Variants in KIF26B observed in about 807,000 individuals in gnomAD.
KIF26B encodes the protein kinesin-like protein KIF26B.
In KIF26B, 63 loss-of-function variants were observed where a neutral mutation model predicts 151.2. The ratio of observed to expected loss-of-function variants is 0.42; its 90% CI spans 0.34 to 0.51. The LOEUF (loss-of-function observed/expected upper bound fraction) is 0.51, where lower values mean the gene tolerates loss of function less well. Ranked by LOEUF, KIF26B falls within the 20% of genes least tolerant of loss-of-function variation. The pLI is 0.07. For synonymous variants in KIF26B, 1,357 were observed against 1,262.1 expected (o/e 1.08, Z -1.59); for missense variants, 2,813 against 2,913.6 (o/e 0.97, Z 0.79).
rs1042425977 is a variant in KIF26B at position 245,421,789 on chromosome 1, G to A, written c.1166+2044G>A. On this transcript the variant is annotated intron_variant, in intron 4 of 14. Coordinates refer to ENST00000407071, the MANE Select transcript of KIF26B (RefSeq NM_018012.4). ...TTCTTGGTGCGAGGAAACCAGCAGC[G>A]TCTTTGGAGCTGGGGAAAGGATGTG... Among the ~76,000 whole-genome samples, 8 of 151,980 alleles carry A rather than the reference G, an allele frequency of 5.3e-5. No homozygotes were observed. The East Asian group carries it at 5.8e-4, about 11-fold the overall frequency.
At chr1:245,412,578 T>G (rs1674313659) in intron 3 of KIF26B, among the ~76,000 whole-genome samples, 1 of 152,178 alleles carries the variant, frequency 6.6e-6, no homozygotes, top group South Asian at 2.1e-4. Flanking sequence ...GCTTACAGAT[T>G]GCAATTTGCA....
At chr1:245,365,482 T>A (rs1402715351) in intron 2 of KIF26B, among the ~76,000 whole-genome samples, 1 of 149,898 alleles carries the variant, frequency 6.7e-6, no homozygotes, top group Non-Finnish European at 1.5e-5. Flanking sequence ...CCCCAAATGC[T>A]GATCTTCCTG....
intron 2 of KIF26B, among the ~76,000 whole-genome samples, chr1:245,203,119 C>T (rs1202339642): frequency 1.3e-5 from 2 of 150,482 alleles, no homozygotes; most frequent in Non-Finnish European, 3.0e-5. Context: ...TGGTGGTGTG[C>T]GCCTATAGTC....
In KIF26B at chr1:245,686,056, G is replaced by A. The variant is rs373427955; in HGVS notation, c.3073G>A (p.Val1025Ile). ...HSPSPASPRS[V>I]PGSSSQHSAS... The stretch of plus-strand genomic sequence containing the variant: ...CCCCAGCCCGGCCTCACCCAGGAGC[G>A]TCCCGGGCAGCAGTAGCCAGCACAG... Residue 1025 changes from valine to isoleucine, a missense_variant, in exon 12 of 15, where the codon GTC becomes ATC. Transcript: ENST00000407071. This position sits in a 1 kb window ranked among gnomAD's most constrained non-coding sequence, Gnocchi z 5.6. 1.8e-5 allele frequency: 29 copies of A among 1,595,244 alleles called. No homozygotes were observed. The highest frequency in any genetic ancestry group is 5.3e-5 in the Admixed American group (3 of 56,926).
At chr1:245,683,564 T>C (rs575135567) in intron 10 of KIF26B, among the ~76,000 whole-genome samples, 2 of 152,318 alleles carry the variant, frequency 1.3e-5, no homozygotes, top group South Asian at 4.2e-4. Flanking sequence ...CCTGCACAGT[T>C]GCCAGAGGAG....
intron 2 of KIF26B, among the ~76,000 whole-genome samples, chr1:245,198,108 G>T (rs567109338): frequency 6.6e-6 from 1 of 152,206 alleles, no homozygotes; most frequent in South Asian, 2.1e-4. Context: ...ACTCGTTGAG[G>T]GCTTACTATG....
intron 2 of KIF26B, among the ~76,000 whole-genome samples, chr1:245,287,441 G>T (rs1035513818): frequency 6.1e-5 from 9 of 146,592 alleles, no homozygotes; most frequent in Admixed American, 2.0e-4. Flanking sequence ...TGGTCGGATT[G>T]TGTAATTATT....
chr1:245,464,476 GGT>G (rs1329766629), intron 4 of KIF26B, among the ~76,000 whole-genome samples: 9 of 145,950 alleles, frequency 6.2e-5, no homozygotes, highest in Non-Finnish European at 1.4e-4. Context: ...CGCGTGTGGG[GGT>G]GTGTGCCCGT....
rs370546879 is a variant in KIF26B, at chr1:245,688,227, G to C, written c.5244G>C (p.Pro1748=). ...LLLASPRARG[P]SASTTKTLSF... ...TGGCCAGCCCCAGAGCGCGCGGCCCGTCCGCCTCCACCACCAAAACCCTCA... is the reference window on the plus strand; with the variant it reads ...TGGCCAGCCCCAGAGCGCGCGGCCCCTCCGCCTCCACCACCAAAACCCTCA... Residue 1748 remains proline, a synonymous_variant, in exon 12 of 15, where the codon CCG becomes CCC. Coordinates refer to ENST00000407071, the MANE Select transcript of KIF26B (RefSeq NM_018012.4). 6.9e-6 allele frequency: 11 copies of C among 1,587,720 alleles called. 1 individual carries two copies. The African/African-American group carries it at 1.3e-4, about 19-fold the overall frequency.
chr1:245,652,145 T>TGGGGGA (rs368258830), intron 10 of KIF26B, among the ~76,000 whole-genome samples: 3 of 142,658 alleles, frequency 2.1e-5, no homozygotes, highest in Non-Finnish European at 4.5e-5. Context: ...TGTGTGTGTG[T>TGGGGGA]GAGAGAGACA....
intron 2 of KIF26B, among the ~76,000 whole-genome samples, chr1:245,363,431 G>A (rs1672868144): frequency 6.6e-6 from 1 of 152,108 alleles, no homozygotes; most frequent in Non-Finnish European, 1.5e-5. Flanking sequence ...CCTGACCTCA[G>A]GTAATCCACC....
chr1:245,283,658 G>C (rs969648416), intron 2 of KIF26B, among the ~76,000 whole-genome samples: 1 of 150,348 alleles, frequency 6.7e-6, no homozygotes, highest in African/African-American at 2.4e-5. Flanking sequence ...TGGTGAAAAA[G>C]AACATCCATT....
At chr1:245,593,860 C>T (rs147029480) in intron 5 of KIF26B, among the ~76,000 whole-genome samples, 15,304 of 152,192 alleles carry the variant, frequency 0.1, 819 homozygotes, top group Middle Eastern at 0.13. Flanking sequence ...TAATGATCGC[C>T]ATTCTAACTG....
chr1:245,480,872 G>C (rs753906164), intron 4 of KIF26B, among the ~76,000 whole-genome samples: 3 of 151,530 alleles, frequency 2.0e-5, no homozygotes, highest in Non-Finnish European at 3.0e-5. Flanking sequence ...GGACCACAGA[G>C]GTCATCTGGG....
At chr1:245,465,465 T>G in intron 4 of KIF26B, among the ~76,000 whole-genome samples, 1 of 152,216 alleles carries the variant, frequency 6.6e-6, no homozygotes, top group East Asian at 1.9e-4. Flanking sequence ...GGGGTTCACT[T>G]AAAGGCACGG....
At chr1:245,453,934 A>G (rs532391051) in intron 4 of KIF26B, among the ~76,000 whole-genome samples, 1 of 152,318 alleles carries the variant, frequency 6.6e-6, no homozygotes, top group African/African-American at 2.4e-5. Flanking sequence ...ATTATAGTCA[A>G]TATTCTCATC....
intron 3 of KIF26B, among the ~76,000 whole-genome samples, chr1:245,372,331 G>C (rs977739679): frequency 2.6e-5 from 4 of 152,160 alleles, no homozygotes; most frequent in Admixed American, 1.3e-4. Context: ...TGCCAAAAAG[G>C]TTGGGAATCA....
chr1:245,623,046 TTTTTTTG>T (rs2043682579), intron 9 of KIF26B, among the ~76,000 whole-genome samples: 9 of 149,726 alleles, frequency 6.0e-5, no homozygotes, highest in South Asian at 4.2e-4. Context: ...TTTTTTTTTT[TTTTTTTG>T]TTGTTTTTTA....
intron 2 of KIF26B, among the ~76,000 whole-genome samples, chr1:245,194,766 A>G (rs1158786436): frequency 6.6e-6 from 1 of 152,198 alleles, no homozygotes; most frequent in Non-Finnish European, 1.5e-5. Context: ...TGGCTCCCAT[A>G]TAGCCAGAAG....
Sources: gnomAD v4.1 joint callset for allele counts (sites outside exome capture counted in the v4.1 genomes callset) on GRCh38, gnomAD v4.1.1 for gene constraint, Gnocchi (gnomAD v3.1) non-coding constraint, MANE v1.5 for transcripts, NCBI Gene and HGNC (gene_info 2026-07-23, HGNC 2026-07-21) for gene names.